Variants in WDFY2 observed in about 807,000 individuals in gnomAD.
WDFY2 encodes WD repeat and FYVE domain containing 2.
A neutral mutation model predicts 56.4 loss-of-function variants in WDFY2; 36 were observed. The ratio of observed to expected loss-of-function variants is 0.64; its 90% CI spans 0.49 to 0.84. WDFY2 has a LOEUF of 0.84. WDFY2 is among the 40% of genes least tolerant of loss of function. WDFY2 has a pLI of 0.00. For missense variants in WDFY2, 444 were observed against 512.2 expected, an observed-to-expected ratio of 0.87 and a Z score of 1.29; for synonymous variants, 176 against 183.7, an observed-to-expected ratio of 0.96 and a Z score of 0.34.
chr13:51,675,459 C>A (rs1174204419), intron 3 of WDFY2, among the ~76,000 whole-genome samples: 3 of 152,156 alleles, frequency 2.0e-5, no homozygotes, highest in Non-Finnish European at 4.4e-5. Context: ...GCTTGACCTA[C>A]CCTATACAGA....
chr13:51,728,484 G>A (rs765711525), intron 6 of WDFY2, among the ~76,000 whole-genome samples: 17 of 152,066 alleles, frequency 1.1e-4, no homozygotes, highest in Admixed American at 2.0e-4. Flanking sequence ...ATGAGTCATC[G>A]CCAGTTTTCA....
At chr13:51,601,211 A>G (rs906123572) in intron 1 of WDFY2, among the ~76,000 whole-genome samples, 11 of 152,214 alleles carry the variant, frequency 7.2e-5, no homozygotes, top group African/African-American at 9.7e-5. Flanking sequence ...AATCCAAAAA[A>G]TAACATGAAA....
At chr13:51,646,455 A>G (rs1416316274) in intron 1 of WDFY2, among the ~76,000 whole-genome samples, 1 of 152,226 alleles carries the variant, frequency 6.6e-6, no homozygotes, top group East Asian at 1.9e-4. Flanking sequence ...CCCCTATCAC[A>G]GCATGGGCAT....
chr13:51,749,894 A>G (rs1053877294), intron 7 of WDFY2, among the ~76,000 whole-genome samples: 3 of 152,186 alleles, frequency 2.0e-5, no homozygotes, highest in Non-Finnish European at 2.9e-5. Context: ...TTGTCAGAAT[A>G]GTTATTCAAT....
chr13:51,597,475 T>A (rs2138301678), intron 1 of WDFY2, among the ~76,000 whole-genome samples: 1 of 152,332 alleles, frequency 6.6e-6, no homozygotes, highest in South Asian at 2.1e-4. Context: ...CTTTGAGGGA[T>A]GCTGCTATAG....
chr13:51,601,602 AC>A (rs1954284491), intron 1 of WDFY2, among the ~76,000 whole-genome samples: 1 of 152,082 alleles, frequency 6.6e-6, no homozygotes, highest in South Asian at 2.1e-4. Context: ...TTTAGTACAG[AC>A]GGGGGTTTTA....
chr13:51,626,129 A>G (rs1954831829), intron 1 of WDFY2, among the ~76,000 whole-genome samples: 1 of 152,006 alleles, frequency 6.6e-6, no homozygotes, highest in African/African-American at 2.4e-5. Flanking sequence ...GAACTCTTAA[A>G]TAAATGAGGA....
Position 51,657,633 on chromosome 13 carries a change from T to G in WDFY2, c.138-2963T>G, listed in dbSNP as rs181507066. 4.9e-3 allele frequency among the ~76,000 whole-genome samples: 753 copies of G among 152,298 alleles called. 5 individuals are homozygous for G. The highest frequency in any genetic ancestry group is 0.014 in the African/African-American group (591 of 41,570). On this transcript the variant is annotated intron_variant, in intron 1 of 11. Transcript: ENST00000298125. Reference sequence around the variant, plus strand: ...TCCCATAGGTCTCTTACGCTCTGTTTGTTATTCTTTATTCTTTTTTCTTTC... The same window carrying G: ...TCCCATAGGTCTCTTACGCTCTGTTGGTTATTCTTTATTCTTTTTTCTTTC...
chr13:51,660,237 C>G (rs1038346546), intron 1 of WDFY2, among the ~76,000 whole-genome samples: 11 of 151,916 alleles, frequency 7.2e-5, no homozygotes, highest in Admixed American at 5.2e-4. Context: ...CTCTCTGTTA[C>G]CCAGGCTGGA....
chr13:51,764,647 C>CTGCAGCCA lies in WDFY2; in HGVS notation c.*4879_*4886dup. ...CGAGGGGTTTCCCCAGAGGCTCCTCCTGCAGCCAATGCTACTATTAGTTTA... is the reference window on the plus strand; with the variant it reads ...CGAGGGGTTTCCCCAGAGGCTCCTCCTGCAGCCATGCAGCCAATGCTACTATTAGTTTA... On this transcript the variant is annotated 3_prime_UTR_variant, in exon 12 of 12. Transcript: ENST00000298125. The CTGCAGCCA allele has an allele frequency of 6.6e-6, 1 of 152,382 alleles. No individual in the cohort carries two copies. The highest frequency in any genetic ancestry group is 2.1e-4 in the South Asian group (1 of 4,822). 9.4% of individuals were successfully genotyped at this position (152,382 alleles called of 1,614,324 possible).
intron 2 of WDFY2, among the ~76,000 whole-genome samples, chr13:51,667,762 A>G (rs1955734053): frequency 6.6e-6 from 1 of 151,254 alleles, no homozygotes; most frequent in Admixed American, 6.6e-5. Context: ...GGTATAGGTT[A>G]TATTATGGAA....
chr13:51,693,566 G>C (rs1161057267), intron 3 of WDFY2, among the ~76,000 whole-genome samples: 1 of 151,938 alleles, frequency 6.6e-6, no homozygotes, highest in Admixed American at 6.6e-5. Context: ...TATAATTTCT[G>C]TTCTTTTACA....
chr13:51,593,303 A>G (rs2138292399), intron 1 of WDFY2, among the ~76,000 whole-genome samples: 1 of 152,308 alleles, frequency 6.6e-6, no homozygotes, highest in East Asian at 1.9e-4. Flanking sequence ...TCTAGTCAGT[A>G]CATCATAATT....
intron 1 of WDFY2, among the ~76,000 whole-genome samples, chr13:51,632,756 T>G (rs1246504487): frequency 6.6e-6 from 1 of 152,242 alleles, no homozygotes; most frequent in East Asian, 1.9e-4. Context: ...AAACTTGTCT[T>G]GTTTCTAGCA....
intron 4 of WDFY2, among the ~76,000 whole-genome samples, chr13:51,707,817 A>T (rs1402238119): frequency 1.3e-5 from 2 of 152,146 alleles, no homozygotes; most frequent in Non-Finnish European, 2.9e-5. Flanking sequence ...CAATAACACA[A>T]AGATCAGGAG....
At chr13:51,660,025 A>G (rs1698051585) in intron 1 of WDFY2, among the ~76,000 whole-genome samples, 1 of 152,274 alleles carries the variant, frequency 6.6e-6, no homozygotes, top group South Asian at 2.1e-4. Flanking sequence ...ATAATTTTCA[A>G]ACACTATCAT....
intron 4 of WDFY2, among the ~76,000 whole-genome samples, chr13:51,714,147 A>G (rs1048461716): frequency 1.3e-5 from 2 of 149,126 alleles, no homozygotes; most frequent in Non-Finnish European, 2.9e-5. Context: ...AAAAGATAAC[A>G]TATGTGGATT....
intron 2 of WDFY2, among the ~76,000 whole-genome samples, chr13:51,663,753 A>G (rs548285842): frequency 7.0e-4 from 107 of 152,314 alleles, no homozygotes; most frequent in African/African-American, 2.4e-3. Flanking sequence ...ACTCGGTATT[A>G]TTCTTAAATA....
At chr13:51,628,376 G>A (rs1046960551) in intron 1 of WDFY2, among the ~76,000 whole-genome samples, 6 of 152,230 alleles carry the variant, frequency 3.9e-5, no homozygotes, top group Admixed American at 3.3e-4. Context: ...AAATCAGAGC[G>A]GACGCCAGGA....
Sources: allele counts gnomAD v4.1 joint callset (sites outside exome capture counted in the v4.1 genomes callset), GRCh38; gene constraint gnomAD v4.1.1; transcripts MANE v1.5; gene names NCBI Gene and HGNC (gene_info 2026-07-23, HGNC 2026-07-21).